Variants in ADK observed in about 807,000 individuals in gnomAD.
ADK encodes the protein adenosine kinase.
ADK carries 24 observed loss-of-function variants against 44.7 expected under a neutral mutation model. The observed-to-expected ratio is 0.54, with a 90% confidence interval of 0.39 to 0.76. The LOEUF (loss-of-function observed/expected upper bound fraction) is 0.76, where lower values mean the gene tolerates loss of function less well. ADK is among the 30% of genes least tolerant of loss of function. The probability of loss-of-function intolerance (pLI) is 0.00; values close to 1 mark genes in which losing one functional copy is unlikely to be tolerated. For missense variants in ADK, 321 were observed against 425.1 expected, an observed-to-expected ratio of 0.76 and a Z score of 2.15; for synonymous variants, 128 against 142.6, an observed-to-expected ratio of 0.90 and a Z score of 0.73.
At position 74,241,422 on chromosome 10, in the gene ADK, G is replaced by C. The variant is rs1281599094; in HGVS notation, c.194+16831G>C. The stretch of plus-strand genomic sequence containing the variant: ...GGGAGGGGAGACGGAGTCTCTCTCT[G>C]TTGCCCAGGCTGGAGTGCAGTGGCG... On this transcript the variant is annotated intron_variant, in intron 3 of 10. Coordinates refer to ENST00000539909, the MANE Select transcript of ADK (RefSeq NM_006721.4). Among the ~76,000 whole-genome samples the C allele has an allele frequency of 2.6e-5, 4 of 152,170 alleles. No individual in the cohort carries two copies. In the East Asian group the frequency reaches 7.7e-4, roughly 29 times the overall value.
At chr10:74,210,133 C>G (rs1419966464) in intron 2 of ADK, among the ~76,000 whole-genome samples, 1 of 151,914 alleles carries the variant, frequency 6.6e-6, no homozygotes, top group African/African-American at 2.4e-5. Flanking sequence ...AGTTAGAGAC[C>G]AGCCTGGCTA....
chr10:74,666,228 G>C (rs1036922722), intron 9 of ADK, among the ~76,000 whole-genome samples: 8 of 152,180 alleles, frequency 5.3e-5, no homozygotes, highest in Admixed American at 1.3e-4. Context: ...TCATATTTAA[G>C]TGAAGAGTAA....
rs1206155533 is a variant in ADK at position 74,455,113 on chromosome 10, A to G, written c.555+56534A>G. On this transcript the variant is annotated intron_variant, in intron 6 of 10. Transcript: ENST00000539909. ...GAACCGTGCCTATAGGAATGATGAT[A>G]ATAATATCTACTTTATAAGGATAAA... Among the ~76,000 whole-genome samples, 5 of 152,326 alleles carry G rather than the reference A, an allele frequency of 3.3e-5. No individual in the cohort carries two copies. The South Asian group carries it at 1.0e-3, about 32-fold the overall frequency.
intron 9 of ADK, among the ~76,000 whole-genome samples, chr10:74,662,452 T>C (rs548780763): frequency 2.6e-4 from 40 of 152,210 alleles, no homozygotes; most frequent in African/African-American, 9.6e-4. Context: ...AGCTAATTTT[T>C]CCATTTTGGG....
At chr10:74,619,328 G>A (rs1170369587) in intron 9 of ADK, among the ~76,000 whole-genome samples, 1 of 151,974 alleles carries the variant, frequency 6.6e-6, no homozygotes, top group Non-Finnish European at 1.5e-5. Flanking sequence ...GGTGGCAGGT[G>A]CCTGTACTCC....
At chr10:74,165,105 C>T (rs1842003229) in intron 1 of ADK, among the ~76,000 whole-genome samples, 1 of 152,102 alleles carries the variant, frequency 6.6e-6, no homozygotes, top group Admixed American at 6.6e-5. Context: ...TGGAAATGTT[C>T]CCTCCTAGAG....
At chr10:74,382,343 C>A (rs1313327843) in intron 4 of ADK, among the ~76,000 whole-genome samples, 4 of 152,188 alleles carry the variant, frequency 2.6e-5, no homozygotes, top group Non-Finnish European at 5.9e-5. Flanking sequence ...AAGCCATCTG[C>A]CGGCCTCAGC....
intron 6 of ADK, among the ~76,000 whole-genome samples, chr10:74,497,033 A>C (rs1222073905): frequency 6.6e-6 from 1 of 152,012 alleles, no homozygotes; most frequent in Admixed American, 6.6e-5. Flanking sequence ...GGTTGGACTC[A>C]AATGCTTGGG....
intron 6 of ADK, among the ~76,000 whole-genome samples, chr10:74,501,862 G>A: frequency 6.6e-6 from 1 of 152,062 alleles, no homozygotes; most frequent in Non-Finnish European, 1.5e-5. Flanking sequence ...TGAGGAATGG[G>A]GAATAACTTT....
At position 74,398,073 on chromosome 10, in the gene ADK, T is replaced by C. The variant is rs529535256; in HGVS notation, c.447-398T>C. ...TTCGATTAAATAGACAATTATAGTA[T>C]GTTGATATTTATTTTTATAAAGATA... On this transcript the variant is annotated intron_variant, in intron 5 of 10. Transcript: ENST00000539909. Among the ~76,000 whole-genome samples the C allele has an allele frequency of 2.0e-5, 3 of 152,352 alleles. No individual in the cohort carries two copies. The South Asian group carries it at 6.2e-4, about 32-fold the overall frequency.
intron 3 of ADK, among the ~76,000 whole-genome samples, chr10:74,241,595 A>G (rs1042138786): frequency 6.6e-6 from 1 of 152,226 alleles, no homozygotes; most frequent in Non-Finnish European, 1.5e-5. Context: ...CATATTGGTC[A>G]GGCTGGTTTC....
At chr10:74,611,501 T>C (rs1852542346) in intron 9 of ADK, among the ~76,000 whole-genome samples, 1 of 151,986 alleles carries the variant, frequency 6.6e-6, no homozygotes, top group Non-Finnish European at 1.5e-5. Context: ...TTTTTTTTTT[T>C]TTTAATTTTA....
chr10:74,452,467 C>T (rs1002475795), intron 6 of ADK, among the ~76,000 whole-genome samples: 3 of 151,906 alleles, frequency 2.0e-5, no homozygotes, highest in Non-Finnish European at 4.4e-5. Context: ...TCATTGAAGC[C>T]ATGAATTTGT....
intron 7 of ADK, among the ~76,000 whole-genome samples, chr10:74,568,343 C>G (rs536715843): frequency 2.0e-5 from 3 of 151,986 alleles, no homozygotes; most frequent in Non-Finnish European, 2.9e-5. Flanking sequence ...CACTTTATTG[C>G]AAGTACAGTC....
chr10:74,392,888 GT>G (rs1843385504), intron 4 of ADK, among the ~76,000 whole-genome samples: 1 of 151,832 alleles, frequency 6.6e-6, no homozygotes, highest in African/African-American at 2.4e-5. Context: ...TTTTTGTGTT[GT>G]TTTGCTGGGA....
chr10:74,632,161 A>G (rs1853455669), intron 9 of ADK, among the ~76,000 whole-genome samples: 2 of 152,124 alleles, frequency 1.3e-5, no homozygotes, highest in Non-Finnish European at 2.9e-5. Context: ...TTCTGCCTCT[A>G]TGCATTTGCC....
intron 1 of ADK, among the ~76,000 whole-genome samples, chr10:74,155,881 T>C (rs1841736657): frequency 6.6e-6 from 1 of 152,236 alleles, no homozygotes; most frequent in Admixed American, 6.5e-5. Flanking sequence ...GCTACTATTT[T>C]CTTTTTTCAT....
chr10:74,533,338 C>T (rs372276214), intron 7 of ADK, among the ~76,000 whole-genome samples: 48 of 152,184 alleles, frequency 3.2e-4, no homozygotes, highest in South Asian at 1.0e-3. Context: ...GCCAAACCAA[C>T]GTGGATTTTA....
intron 2 of ADK, among the ~76,000 whole-genome samples, chr10:74,203,949 GTC>G (rs2132162845): frequency 7.7e-6 from 1 of 130,118 alleles, no homozygotes; most frequent in African/African-American, 3.0e-5. Flanking sequence ...ATTTATTTAG[GTC>G]TTTTTTTTTT....
Sources: allele counts gnomAD v4.1 joint callset (sites outside exome capture counted in the v4.1 genomes callset), GRCh38; gene constraint gnomAD v4.1.1; transcripts MANE v1.5; gene names NCBI Gene and HGNC (gene_info 2026-07-23, HGNC 2026-07-21).